SEMA3A: variants seen among roughly 807,000 people sequenced by gnomAD.
SEMA3A encodes semaphorin 3A.
Under a neutral mutation model 97.9 loss-of-function variants are expected in SEMA3A, and 29 were observed. The ratio of observed to expected loss-of-function variants is 0.30; its 90% confidence interval spans 0.22 to 0.40. The LOEUF (loss-of-function observed/expected upper bound fraction) is 0.40. Among genes scored for constraint, SEMA3A ranks in the 10% least tolerant of loss-of-function variants. The pLI is 1.00. For synonymous variants in SEMA3A, 321 were observed against 323.7 expected (o/e 0.99, Z 0.09); for missense variants, 763 against 951.3 (o/e 0.80, Z 2.60).
chr7:84,177,132 T>G (rs1797592847), intron 1 of SEMA3A, among the ~76,000 whole-genome samples: 1 of 152,042 alleles, frequency 6.6e-6, no homozygotes, highest in Admixed American at 6.5e-5. Flanking sequence ...TAAGTAAAAA[T>G]AGTTGAAAGA....
At chr7:83,980,342 ACTGTAATCC>A (rs1449398207) in intron 14 of SEMA3A, among the ~76,000 whole-genome samples, 8 of 151,816 alleles carry the variant, frequency 5.3e-5, no homozygotes, top group African/African-American at 1.9e-4. Context: ...GTGGCACACG[ACTGTAATCC>A]CTGTAATCCC....
At chr7:84,062,701 G>A (rs187972804) in intron 4 of SEMA3A, among the ~76,000 whole-genome samples, 2 of 152,168 alleles carry the variant, frequency 1.3e-5, no homozygotes, top group African/African-American at 4.8e-5. Flanking sequence ...CGAATACTGC[G>A]CTTTTCCGGC....
At chr7:84,049,923 T>C (rs535242669) in intron 5 of SEMA3A, among the ~76,000 whole-genome samples, 6 of 141,464 alleles carry the variant, frequency 4.2e-5, no homozygotes, top group Admixed American at 3.8e-4. Context: ...GTCCATGTGA[T>C]CTCATTGTTC....
chr7:84,410,008 G>T (rs115882755), intron 1 of SEMA3A, among the ~76,000 whole-genome samples: 4,000 of 152,004 alleles, frequency 0.026, 165 homozygotes, highest in African/African-American at 0.09. Flanking sequence ...TGATTCATAA[G>T]GATCACGTAG....
intron 1 of SEMA3A, among the ~76,000 whole-genome samples, chr7:84,142,252 G>A (rs1276331663): frequency 2.0e-5 from 3 of 152,104 alleles, no homozygotes; most frequent in South Asian, 4.1e-4. Context: ...TGTATAACAC[G>A]TAGACCTTGG....
chr7:84,230,942 G>T (rs1799102996), intron 3 of SEMA3A, among the ~76,000 whole-genome samples: 1 of 151,824 alleles, frequency 6.6e-6, no homozygotes, highest in South Asian at 2.1e-4. Flanking sequence ...TATTCCAACA[G>T]CATTTACAGT....
chr7:84,130,193 T>C (rs988970156), intron 2 of SEMA3A, among the ~76,000 whole-genome samples: 10 of 152,094 alleles, frequency 6.6e-5, no homozygotes, highest in African/African-American at 1.7e-4. Context: ...CACTTAATCA[T>C]TCATGTCTGC....
At chr7:84,000,914 T>C (rs1201475098) in intron 12 of SEMA3A, among the ~76,000 whole-genome samples, 3 of 152,150 alleles carry the variant, frequency 2.0e-5, no homozygotes, top group Non-Finnish European at 2.9e-5. Context: ...CTGCTTACCA[T>C]TAAAATATTG....
At chr7:84,141,062 G>A (rs1796278754) in intron 1 of SEMA3A, among the ~76,000 whole-genome samples, 1 of 152,110 alleles carries the variant, frequency 6.6e-6, no homozygotes, top group Non-Finnish European at 1.5e-5. Context: ...ACAGACTGAT[G>A]TTTGGCAAGT....
rs551790859 is a variant in SEMA3A at position 84,408,408 on chromosome 7, G to C, written c.-245-36508C>G. 2.6e-4 allele frequency among the ~76,000 whole-genome samples: 39 copies of C among 151,790 alleles called. No homozygotes were observed. The South Asian group carries it at 7.1e-3, about 28-fold the overall frequency. ...TCAGGAAACAACAGGTGCTGGAGAG[G>C]ATGTGGAGAAATAGGAACACTTTTA... On this transcript the variant is annotated intron_variant, in intron 1 of 3. Coordinates refer to the SEMA3A transcript ENST00000424555.
At chr7:84,037,092 C>G (rs1200847242) in intron 6 of SEMA3A, among the ~76,000 whole-genome samples, 1 of 151,678 alleles carries the variant, frequency 6.6e-6, no homozygotes, top group Non-Finnish European at 1.5e-5. Context: ...TCTTTTTTCC[C>G]TTTCTTCCTT....
In SEMA3A at chr7:84,132,662, G is replaced by GTTTT. The variant is rs55830654; in HGVS notation, c.270+2128_270+2131dup. ...TCTAATTTTTCTTCATCGACTTGGTGTTTTTTTTTTTTTTTTTTTTTTTTT... is the reference window on the plus strand; with the variant it reads ...TCTAATTTTTCTTCATCGACTTGGTGTTTTTTTTTTTTTTTTTTTTTTTTTTTTT... On this transcript the variant is annotated intron_variant, in intron 2 of 16. Transcript: ENST00000265362. 4.3e-3 allele frequency among the ~76,000 whole-genome samples: 374 copies of GTTTT among 86,638 alleles called. 21 individuals are homozygous for GTTTT. Among genetic ancestry groups the GTTTT allele is most frequent in the Non-Finnish European group, 6.3e-3 (282 of 44,996 alleles). The allele number at this position is 86,638 out of a possible 152,430, so 56.8% of individuals were successfully genotyped here.
intron 4 of SEMA3A, among the ~76,000 whole-genome samples, chr7:84,066,891 T>C (rs528846104): frequency 6.6e-6 from 1 of 152,260 alleles, no homozygotes; most frequent in East Asian, 1.9e-4. Flanking sequence ...AAGCTACCAA[T>C]GCCTTTCTTC....
chr7:84,413,253 A>T (rs1804325680), intron 1 of SEMA3A, among the ~76,000 whole-genome samples: 1 of 152,166 alleles, frequency 6.6e-6, no homozygotes, highest in Non-Finnish European at 1.5e-5. Context: ...GTTTTTTAAC[A>T]ATGAAAGTCA....
chr7:84,408,742 T>C (rs962342573), intron 1 of SEMA3A, among the ~76,000 whole-genome samples: 36 of 151,462 alleles, frequency 2.4e-4, no homozygotes, highest in African/African-American at 8.0e-4. Flanking sequence ...ATGTCCTTTG[T>C]AGGGACATGG....
intron 3 of SEMA3A, among the ~76,000 whole-genome samples, chr7:84,304,510 C>T (rs1413726147): frequency 2.0e-5 from 3 of 151,912 alleles, no homozygotes; most frequent in African/African-American, 7.3e-5. Context: ...GATGAATATA[C>T]TTTCAAAACT....
chr7:84,273,486 T>C (rs974093606), intron 3 of SEMA3A, among the ~76,000 whole-genome samples: 1 of 152,152 alleles, frequency 6.6e-6, no homozygotes, highest in Non-Finnish European at 1.5e-5. Flanking sequence ...AAAGTGAATT[T>C]TACTTAGGAC....
At chr7:84,062,573 G>C (rs553345114) in intron 4 of SEMA3A, among the ~76,000 whole-genome samples, 3 of 152,328 alleles carry the variant, frequency 2.0e-5, no homozygotes, top group Non-Finnish European at 4.4e-5. Context: ...CACCACGCGC[G>C]AGCCGAAGCA....
At chr7:84,094,115 A>G (rs756587980) in intron 4 of SEMA3A, among the ~76,000 whole-genome samples, 2 of 152,054 alleles carry the variant, frequency 1.3e-5, no homozygotes, top group Non-Finnish European at 1.5e-5. Context: ...AAGTCAGGCC[A>G]GAGAGGGGAG....
Sources: allele counts gnomAD v4.1 joint callset (sites outside exome capture counted in the v4.1 genomes callset), GRCh38; gene constraint gnomAD v4.1.1; transcripts MANE v1.5; gene names NCBI Gene and HGNC (gene_info 2026-07-23, HGNC 2026-07-21).